The following PIAS2 variants were observed in gnomAD, a reference collection of about 807,000 sequenced individuals.
PIAS2 encodes the protein E3 SUMO-protein ligase PIAS2.
A neutral mutation model predicts 69.7 loss-of-function variants in PIAS2; 19 were observed. That is an observed-to-expected ratio of 0.27 (90% CI 0.19 to 0.40). PIAS2 has a LOEUF of 0.40. Ranked by LOEUF, PIAS2 falls within the 10% of genes least tolerant of loss-of-function variation. The pLI is 1.00. For missense variants in PIAS2, 624 were observed against 757.0 expected, an observed-to-expected ratio of 0.82 and a Z score of 2.06; for synonymous variants, 261 against 263.2, an observed-to-expected ratio of 0.99 and a Z score of 0.08.
rs1215333116 is a variant in PIAS2, at chr18:46,809,040, T to A, written c.*3393A>T. 1 of 152,176 alleles carries A rather than the reference T, an allele frequency of 6.6e-6. No individual in the cohort carries two copies. Among genetic ancestry groups the A allele is most frequent in the Non-Finnish European group, 1.5e-5 (1 of 68,022 alleles). The allele number at this position is 152,176 out of a possible 1,614,324, so 9.4% of individuals were successfully genotyped here. ...GAAGAACATCTGAAAGGTCTGAATG[T>A]CAAAGTCAGAACAGTCTCTGGTCAA... On this transcript the variant is annotated 3_prime_UTR_variant, in exon 14 of 14. Transcript: ENST00000585916.
intron 5 of PIAS2, among the ~76,000 whole-genome samples, chr18:46,850,510 T>C (rs892122310): frequency 6.6e-5 from 10 of 152,162 alleles, no homozygotes; most frequent in African/African-American, 2.2e-4. Flanking sequence ...CTACCTCCCA[T>C]ATATTTTTAA....
intron 12 of PIAS2, among the ~76,000 whole-genome samples, chr18:46,820,568 T>C (rs992234658): frequency 6.6e-6 from 1 of 152,060 alleles, no homozygotes; most frequent in African/African-American, 2.4e-5. Context: ...ACAACATCAA[T>C]ATATTCTGAA....
chr18:46,856,247 C>T (rs966960087), intron 3 of PIAS2, among the ~76,000 whole-genome samples: 20 of 151,850 alleles, frequency 1.3e-4, no homozygotes, highest in South Asian at 1.0e-3. Context: ...GTGATCCGTC[C>T]GCCTTGGCCT....
At chr18:46,910,562 T>A (rs2057144418) in intron 1 of PIAS2, among the ~76,000 whole-genome samples, 1 of 152,026 alleles carries the variant, frequency 6.6e-6, no homozygotes, top group South Asian at 2.1e-4. Context: ...CAAGGACAGG[T>A]TGCTATTTAA....
At chr18:46,831,134 C>T (rs2043554968) in intron 9 of PIAS2, among the ~76,000 whole-genome samples, 1 of 152,094 alleles carries the variant, frequency 6.6e-6, no homozygotes, top group Non-Finnish European at 1.5e-5. Flanking sequence ...AAAAACATTA[C>T]TGACTATATA....
At chr18:46,889,935 A>C (rs960379479) in intron 2 of PIAS2, among the ~76,000 whole-genome samples, 5 of 152,248 alleles carry the variant, frequency 3.3e-5, no homozygotes, top group African/African-American at 1.2e-4. Flanking sequence ...AGTGAGATTG[A>C]GGGATGAGTA....
chr18:46,866,228 G>A (rs2049429826), intron 2 of PIAS2, among the ~76,000 whole-genome samples: 1 of 152,182 alleles, frequency 6.6e-6, no homozygotes, highest in South Asian at 2.1e-4. Flanking sequence ...CAAACTCCAT[G>A]TAAAATAATA....
At chr18:46,816,406 C>A (rs922916068) in intron 12 of PIAS2, 2 of 984,540 alleles carry the variant, frequency 2.0e-6, no homozygotes, top group African/African-American at 3.5e-5. Flanking sequence ...CAAGCTATAG[C>A]ACCAATCATT....
At chr18:46,908,107 C>G (rs1406685851) in intron 1 of PIAS2, 3 of 151,984 alleles carry the variant, frequency 2.0e-5, no homozygotes, top group Non-Finnish European at 4.4e-5. Context: ...TATGTGTATG[C>G]TATATATCAA....
chr18:46,904,088 T>C (rs1418632346), intron 1 of PIAS2: 1 of 152,196 alleles, frequency 6.6e-6, no homozygotes, highest in Non-Finnish European at 1.5e-5. Context: ...AGTGTGACTA[T>C]AAAATAACAA....
At chr18:46,829,701 C>T in intron 10 of PIAS2, 33 bp downstream of exon 10, 1 of 1,592,874 alleles carries the variant, frequency 6.3e-7, no homozygotes, top group African/African-American at 1.4e-5. Flanking sequence ...ACGAGTCTCA[C>T]TGCTTTACTC....
intron 12 of PIAS2, among the ~76,000 whole-genome samples, chr18:46,820,016 A>T (rs1182093890): frequency 1.3e-5 from 2 of 152,132 alleles, no homozygotes; most frequent in Non-Finnish European, 2.9e-5. Flanking sequence ...AAATTCCAGA[A>T]ATAATTCATA....
intron 12 of PIAS2, chr18:46,815,901 G>C (rs1334391980): frequency 1.0e-6 from 1 of 985,322 alleles, no homozygotes; most frequent in East Asian, 1.1e-4. Flanking sequence ...GGGTTATCAA[G>C]GGTTACTGGG....
chr18:46,894,900 G>A (rs370088438), intron 1 of PIAS2, among the ~76,000 whole-genome samples: 2 of 151,692 alleles, frequency 1.3e-5, no homozygotes, highest in South Asian at 2.1e-4. Flanking sequence ...GTGAAACCCC[G>A]TCTCTACTAA....
At chr18:46,864,419 TAA>T (rs1344800800) in intron 2 of PIAS2, among the ~76,000 whole-genome samples, 171 bp from the exon 3 acceptor site, 1 of 152,044 alleles carries the variant, frequency 6.6e-6, no homozygotes. Context: ...GAATCATGAG[TAA>T]AGTCACTACA....
intron 12 of PIAS2, chr18:46,816,470 G>C (rs904296136): frequency 9.2e-6 from 9 of 981,628 alleles, no homozygotes; most frequent in African/African-American, 3.5e-5. Flanking sequence ...TGTTGCTACA[G>C]ATTTTTTTTT....
chr18:46,895,054 C>T (rs1488071789), intron 1 of PIAS2, among the ~76,000 whole-genome samples: 1 of 145,382 alleles, frequency 6.9e-6, no homozygotes, highest in East Asian at 2.0e-4. Context: ...GCCTAGGCAA[C>T]GAGAGGGAAA....
In PIAS2 at chr18:46,804,983, G is replaced by C. The variant is rs2040620982; in HGVS notation, c.*7450C>G. ...AGATGACAGGAGGAGACCAGAGTCA[G>C]TTGGCCTTAAAGGCCTACCTCATTC... On this transcript the variant is annotated 3_prime_UTR_variant, in exon 14 of 14. Coordinates refer to ENST00000585916, the MANE Select transcript of PIAS2 (RefSeq NM_004671.5). 6.6e-6 allele frequency: 1 copy of C among 152,288 alleles called. No homozygotes were observed. The highest frequency in any genetic ancestry group is 1.5e-5 in the Non-Finnish European group (1 of 68,080). The allele number at this position is 152,288 out of a possible 1,614,324, so 9.4% of individuals were successfully genotyped here.
At chr18:46,826,742 C>T (rs2042901955) in intron 11 of PIAS2, 1 of 152,144 alleles carries the variant, frequency 6.6e-6, no homozygotes, top group Admixed American at 6.6e-5. Context: ...ACAAAAACCC[C>T]ACCTCATTCT....
Sources: gnomAD v4.1 joint callset for allele counts (sites outside exome capture counted in the v4.1 genomes callset) on GRCh38, gnomAD v4.1.1 for gene constraint, MANE v1.5 for transcripts, NCBI Gene and HGNC (gene_info 2026-07-23, HGNC 2026-07-21) for gene names.